ROBO2: variants seen among roughly 807,000 people sequenced by gnomAD.
The protein encoded by ROBO2 is roundabout homolog 2.
Under a neutral mutation model 160.8 loss-of-function variants are expected in ROBO2, and 53 were observed. That is an observed-to-expected ratio of 0.33 (90% CI 0.26 to 0.41). The LOEUF is 0.41. Ranked by LOEUF, ROBO2 falls within the 10% of genes least tolerant of loss-of-function variation. ROBO2 has a pLI of 1.00. For synonymous variants in ROBO2, 664 were observed against 611.7 expected (o/e 1.09, Z -1.26); for missense variants, 1,577 against 1,722.4 (o/e 0.92, Z 1.49).
At chr3:77,635,195 A>C in intron 24 of ROBO2, 152 bp downstream of exon 25, 1 of 747,606 alleles carries the variant, frequency 1.3e-6, no homozygotes, top group Non-Finnish European at 2.2e-6. Flanking sequence ...TAAATAAAAC[A>C]CCATTTTTAA....
chr3:77,206,428 A>G, intron 2 of ROBO2, among the ~76,000 whole-genome samples: 1 of 152,014 alleles, frequency 6.6e-6, no homozygotes, highest in Admixed American at 6.6e-5. Context: ...GTGGCCTCCT[A>G]TAGTGCTGGG....
chr3:77,247,473 G>A lies in ROBO2; in HGVS notation c.388+149133G>A, dbSNP rs139513855. ...ACTCTACACGTGGAGGCTCAATAAA[G>A]TTTGTTTACAGTGCTGAGAGTGATT... On this transcript the variant is annotated intron_variant, in intron 2 of 25. Transcript: ENST00000461745. 1.7e-3 allele frequency among the ~76,000 whole-genome samples: 256 copies of A among 152,288 alleles called. 2 individuals are homozygous for A. Among genetic ancestry groups the A allele is most frequent in the Middle Eastern group, 6.8e-3 (2 of 294 alleles).
intron 2 of ROBO2, among the ~76,000 whole-genome samples, chr3:76,654,862 C>T (rs779937623): frequency 1.1e-3 from 155 of 139,636 alleles, no homozygotes; most frequent in Non-Finnish European, 1.3e-3. Context: ...TATACACACA[C>T]GTACATATAT....
At chr3:76,220,387 G>A (rs186004916) in intron 2 of ROBO2, among the ~76,000 whole-genome samples, 8 of 151,786 alleles carry the variant, frequency 5.3e-5, no homozygotes, top group East Asian at 1.9e-4. Flanking sequence ...AGTATTAAGC[G>A]GTGTGGTCTT....
chr3:77,607,944 C>G lies in ROBO2; in HGVS notation c.3283C>G (p.Gln1095Glu), dbSNP rs755101600. The change falls in exon 21 of 26, where the codon CAA becomes GAA. Residue 1095 changes from glutamine (Q) to glutamate (E), a missense_variant. Gln to Glu is a conservative substitution (Grantham distance 29). Transcript: ENST00000461745. Reference sequence around the variant, plus strand: ...GCTGGAACACTATGCAGTGGAACAACAAGAAAATGGGTAAAGATATTTTAT... The same window carrying G: ...GCTGGAACACTATGCAGTGGAACAAGAAGAAAATGGGTAAAGATATTTTAT... The G allele has an allele frequency of 5.0e-6, 8 of 1,613,862 alleles. No homozygotes were observed. The South Asian group carries it at 6.6e-5, about 13-fold the overall frequency.
chr3:77,304,203 G>A (rs1300459360), intron 2 of ROBO2, among the ~76,000 whole-genome samples: 1 of 152,182 alleles, frequency 6.6e-6, no homozygotes, highest in Non-Finnish European at 1.5e-5. Flanking sequence ...TTGGAGCAGA[G>A]TAAATATCGC....
At chr3:77,184,935 G>T (rs578056061) in intron 2 of ROBO2, among the ~76,000 whole-genome samples, 1 of 151,978 alleles carries the variant, frequency 6.6e-6, no homozygotes, top group African/African-American at 2.4e-5. Flanking sequence ...ATCATAGATG[G>T]CATGTAGTAG....
chr3:76,297,706 T>TAAAAA (rs71277576), intron 2 of ROBO2, among the ~76,000 whole-genome samples: 4 of 56,656 alleles, frequency 7.1e-5, no homozygotes, highest in South Asian at 8.2e-4. Flanking sequence ...CTGCTTTCCT[T>TAAAAA]AAAAAAAAAA....
chr3:76,424,803 A>G (rs1321854854), intron 2 of ROBO2, among the ~76,000 whole-genome samples: 1 of 152,174 alleles, frequency 6.6e-6, no homozygotes, highest in Non-Finnish European at 1.5e-5. Context: ...ATCATTAAAC[A>G]TCCACAGCTT....
At chr3:75,943,321 A>G (rs530396717) in intron 2 of ROBO2, among the ~76,000 whole-genome samples, 47 of 152,320 alleles carry the variant, frequency 3.1e-4, no homozygotes, top group African/African-American at 1.1e-3. Context: ...TTTAAGGTAC[A>G]TCTCCTAATG....
At chr3:77,274,617 T>C (rs1462938327) in intron 2 of ROBO2, among the ~76,000 whole-genome samples, 1 of 152,126 alleles carries the variant, frequency 6.6e-6, no homozygotes. Flanking sequence ...CCAAAGATAA[T>C]CATAGAGTAG....
intron 2 of ROBO2, among the ~76,000 whole-genome samples, chr3:76,061,025 G>C (rs537446402): frequency 6.6e-6 from 1 of 152,192 alleles, no homozygotes; most frequent in Non-Finnish European, 1.5e-5. Flanking sequence ...CTCGATTTCA[G>C]GATTTTATTT....
At chr3:76,453,172 T>C (rs1269389980) in intron 2 of ROBO2, among the ~76,000 whole-genome samples, 2 of 152,220 alleles carry the variant, frequency 1.3e-5, no homozygotes, top group Non-Finnish European at 2.9e-5. Flanking sequence ...AGAAGCTCTC[T>C]AGTTTAATTA....
At position 76,689,227 on chromosome 3, in the gene ROBO2, AT is replaced by A. The variant is rs527898817; in HGVS notation, c.110-408781del. On this transcript the variant is annotated intron_variant, in intron 2 of 26. Coordinates refer to the ROBO2 transcript ENST00000487694. ...ATGTTTATTCATGCATTTTTTATATATTTTTTGATTCATTTACTAAACATTT... is the reference window on the plus strand; with the variant it reads ...ATGTTTATTCATGCATTTTTTATATATTTTTGATTCATTTACTAAACATTT... 3.3e-3 allele frequency among the ~76,000 whole-genome samples: 501 copies of A among 152,058 alleles called. 2 individuals are homozygous for A. Among genetic ancestry groups the A allele is most frequent in the African/African-American group, 0.012 (480 of 41,522 alleles).
Position 77,382,151 on chromosome 3 carries a change from T to C in ROBO2, c.389-95263T>C, listed in dbSNP as rs73842845. On this transcript the variant is annotated intron_variant, in intron 2 of 25. Transcript: ENST00000461745. Reference sequence around the variant, plus strand: ...AAACAAGCTTTTTAAAGCTGAGGCATAAATGGCAGAGCTGCCCATTGAGTA... The same window carrying C: ...AAACAAGCTTTTTAAAGCTGAGGCACAAATGGCAGAGCTGCCCATTGAGTA... 3.3e-3 allele frequency among the ~76,000 whole-genome samples: 508 copies of C among 152,250 alleles called. 2 individuals are homozygous for C. The highest frequency in any genetic ancestry group is 0.012 in the African/African-American group (483 of 41,548).
intron 2 of ROBO2, among the ~76,000 whole-genome samples, chr3:77,405,631 A>C (rs1212938666): frequency 3.3e-5 from 5 of 151,788 alleles, no homozygotes; most frequent in Non-Finnish European, 7.4e-5. Context: ...GTATAAATAT[A>C]ATGAATATAA....
chr3:76,273,535 T>C (rs527628831), intron 2 of ROBO2, among the ~76,000 whole-genome samples: 1 of 152,052 alleles, frequency 6.6e-6, no homozygotes, highest in East Asian at 1.9e-4. Context: ...CTTACAGTCA[T>C]GGTGGAAAGA....
At chr3:76,511,053 T>G (rs890275502) in intron 2 of ROBO2, among the ~76,000 whole-genome samples, 1 of 152,192 alleles carries the variant, frequency 6.6e-6, no homozygotes. Flanking sequence ...TCATCACTAA[T>G]GAAAATCTGA....
At chr3:76,383,719 T>C (rs1038404219) in intron 2 of ROBO2, among the ~76,000 whole-genome samples, 1 of 151,282 alleles carries the variant, frequency 6.6e-6, no homozygotes, top group Non-Finnish European at 1.5e-5. Context: ...TCAGTCATAA[T>C]GAAAAAAAAA....
Sources: gnomAD v4.1 joint callset for allele counts (sites outside exome capture counted in the v4.1 genomes callset) on GRCh38, gnomAD v4.1.1 for gene constraint, MANE v1.5 for transcripts, NCBI Gene and HGNC (gene_info 2026-07-23, HGNC 2026-07-21) for gene names.